Variants in GRB10 observed in about 807,000 individuals in gnomAD.
GRB10 encodes growth factor receptor bound protein 10.
A neutral mutation model predicts 80.9 loss-of-function variants in GRB10; 20 were observed. The observed-to-expected ratio is 0.25, with a 90% CI of 0.17 to 0.36. GRB10 has a LOEUF of 0.36. Ranked by LOEUF, GRB10 falls within the 10% of genes least tolerant of loss-of-function variation. The pLI is 1.00. For missense variants in GRB10, 548 were observed against 747.7 expected (o/e 0.73, Z 3.12); for synonymous variants, 291 against 291.5 (o/e 1.00, Z 0.02).
intron 9 of GRB10, among the ~76,000 whole-genome samples, chr7:50,618,838 TCTG>T (rs1378429444): frequency 3.9e-5 from 6 of 152,274 alleles, no homozygotes; most frequent in African/African-American, 1.4e-4. Context: ...GAGTTTTTCT[TCTG>T]CTAAGTGTTT....
intron 4 of GRB10, among the ~76,000 whole-genome samples, chr7:50,717,188 T>C (rs1334865649): frequency 6.6e-6 from 1 of 152,178 alleles, no homozygotes; most frequent in Non-Finnish European, 1.5e-5. Context: ...TCTCCCACTT[T>C]GTGGCAGCCT....
intron 7 of GRB10, among the ~76,000 whole-genome samples, chr7:50,635,730 T>C (rs2054847539): frequency 2.0e-5 from 3 of 151,830 alleles, no homozygotes; most frequent in Admixed American, 6.6e-5. Context: ...ATACAAAAGA[T>C]CATCACAGAT....
At chr7:50,598,013 G>T (rs1186291722) in intron 17 of GRB10, among the ~76,000 whole-genome samples, 1 of 152,022 alleles carries the variant, frequency 6.6e-6, no homozygotes, top group African/African-American at 2.4e-5. Flanking sequence ...ACAGGTGCCC[G>T]CCACCACACC....
In GRB10 at chr7:50,674,308, T is replaced by A. The variant is rs953953113; in HGVS notation, c.362+128A>T. ...TGTATCCGTTATCCCATCAAAGCAA[T>A]GTATCTGCCTCTTGACTTTGCAAGA... On this transcript the variant is annotated intron_variant, in intron 6 of 18. Transcript: ENST00000401949. 1.7e-5 allele frequency: 15 copies of A among 907,328 alleles called. No homozygotes were observed. The African/African-American group carries it at 2.1e-4, about 13-fold the overall frequency. 56.2% of individuals were successfully genotyped at this position (907,328 alleles called of 1,614,324 possible). A position where few individuals can be genotyped will look rare whatever the true frequency, so the allele number is the denominator to read the frequency against.
chr7:50,770,760 C>CT (rs2076909632), intron 2 of GRB10, among the ~76,000 whole-genome samples: 1 of 27,196 alleles, frequency 3.7e-5, no homozygotes, highest in African/African-American at 2.8e-4. Context: ...ACACTCTTCC[C>CT]ATTTTTTTTG....
At chr7:50,779,369 TGTG>T (rs2078043451) in intron 2 of GRB10, 1 of 152,228 alleles carries the variant, frequency 6.6e-6, no homozygotes, top group African/African-American at 2.4e-5. Flanking sequence ...AAGTTTAAGT[TGTG>T]GTATTTTCAG....
At chr7:50,750,299 T>C (rs1233577476) in intron 3 of GRB10, among the ~76,000 whole-genome samples, 1 of 152,230 alleles carries the variant, frequency 6.6e-6, no homozygotes, top group Non-Finnish European at 1.5e-5. Flanking sequence ...ATAAGCAACA[T>C]CTTGGTCGAC....
intron 2 of GRB10, among the ~76,000 whole-genome samples, chr7:50,758,622 G>A (rs1379556210): frequency 6.6e-6 from 1 of 152,162 alleles, no homozygotes; most frequent in African/African-American, 2.4e-5. Flanking sequence ...TATTCAGCCT[G>A]TTCGGCCAGA....
intron 5 of GRB10, among the ~76,000 whole-genome samples, chr7:50,697,098 G>C (rs915776783): frequency 1.3e-5 from 2 of 152,220 alleles, no homozygotes; most frequent in African/African-American, 4.8e-5. Flanking sequence ...GAGGTACTAA[G>C]AACAGGCAAA....
intron 5 of GRB10, among the ~76,000 whole-genome samples, chr7:50,684,444 G>T (rs903129129): frequency 1.3e-5 from 2 of 151,932 alleles, no homozygotes; most frequent in Non-Finnish European, 2.9e-5. Flanking sequence ...AATGTTCAGT[G>T]AGCATCCCCT....
chr7:50,745,671 G>GCT (rs1480788745), intron 3 of GRB10, among the ~76,000 whole-genome samples: 1 of 152,168 alleles, frequency 6.6e-6, no homozygotes, highest in East Asian at 1.9e-4. Flanking sequence ...AATAAAAGAT[G>GCT]CTCTATAAAA....
rs931490954 is a variant in GRB10 at position 50,710,973 on chromosome 7, G to T, written c.52-7065C>A. The T allele has an allele frequency of 3.5e-6, 5 of 1,423,068 alleles. No individual in the cohort carries two copies. In the African/African-American group the frequency reaches 4.2e-5, roughly 12 times the overall value. The allele number at this position is 1,423,068 out of a possible 1,614,324, so 88.2% of individuals were successfully genotyped here. On this transcript the variant is annotated intron_variant, in intron 4 of 18. Transcript: ENST00000401949. ...TGGCTGTGTCCTCAGCCTGCCCTGTGCACAATATTTTCAGAACCTGGAGAA... is the reference window on the plus strand; with the variant it reads ...TGGCTGTGTCCTCAGCCTGCCCTGTTCACAATATTTTCAGAACCTGGAGAA...
chr7:50,769,260 ACTAAGT>A (rs1307457125), intron 2 of GRB10, among the ~76,000 whole-genome samples: 2 of 152,242 alleles, frequency 1.3e-5, no homozygotes, highest in African/African-American at 4.8e-5. Context: ...TGTTAACATT[ACTAAGT>A]TTCCTCTGAA....
At chr7:50,723,306 C>G (rs2068052276) in intron 4 of GRB10, among the ~76,000 whole-genome samples, 1 of 152,188 alleles carries the variant, frequency 6.6e-6, no homozygotes, top group African/African-American at 2.4e-5. Flanking sequence ...TACAATTCTC[C>G]TTCCTCTATT....
At chr7:50,693,005 C>T (rs76451197) in intron 5 of GRB10, among the ~76,000 whole-genome samples, 64 of 152,276 alleles carry the variant, frequency 4.2e-4, no homozygotes, top group African/African-American at 1.5e-3. Flanking sequence ...GAGGTTCTAG[C>T]ACAGGCCTCA....
chr7:50,604,699 G>C (rs557581484), intron 15 of GRB10, among the ~76,000 whole-genome samples: 23 of 152,296 alleles, frequency 1.5e-4, no homozygotes, highest in South Asian at 4.1e-4. Context: ...TTAAACTCAC[G>C]CAGTTCTCAA....
intron 8 of GRB10, among the ~76,000 whole-genome samples, chr7:50,621,653 T>C (rs552862688): frequency 1.3e-5 from 2 of 152,370 alleles, no homozygotes; most frequent in South Asian, 2.1e-4. Flanking sequence ...TAAAGATATG[T>C]ATTTTCAAAT....
intron 7 of GRB10, among the ~76,000 whole-genome samples, chr7:50,637,297 G>A (rs2529427): frequency 0.53 from 80,277 of 152,048 alleles, 21,335 homozygotes; most frequent in Admixed American, 0.54. Flanking sequence ...AGACACTTCC[G>A]AAAGACTCCT....
chr7:50,716,791 G>A (rs1281231747), intron 4 of GRB10, among the ~76,000 whole-genome samples: 1 of 152,234 alleles, frequency 6.6e-6, no homozygotes, highest in Non-Finnish European at 1.5e-5. Flanking sequence ...TCGCCCAACG[G>A]CTGGCGTGGT....
Sources: allele counts gnomAD v4.1 joint callset (sites outside exome capture counted in the v4.1 genomes callset), GRCh38; gene constraint gnomAD v4.1.1; transcripts MANE v1.5; gene names NCBI Gene and HGNC (gene_info 2026-07-23, HGNC 2026-07-21).